Variants in WDR19 observed in about 807,000 individuals in gnomAD.
WDR19 encodes WD repeat-containing protein 19.
In WDR19, 121 loss-of-function variants were observed where a neutral mutation model predicts 180.0. The observed-to-expected ratio is 0.67, with a 90% confidence interval of 0.58 to 0.78. The LOEUF is 0.78. Among genes scored for constraint, WDR19 ranks in the 30% least tolerant of loss-of-function variants. The pLI is 0.00. For synonymous variants in WDR19, 497 were observed against 540.7 expected, an observed-to-expected ratio of 0.92 and a Z score of 1.12; for missense variants, 1,450 against 1,640.7, an observed-to-expected ratio of 0.88 and a Z score of 2.01.
chr4:39,193,934 G>C (rs148700710), intron 4 of WDR19, among the ~76,000 whole-genome samples: 328 of 152,306 alleles, frequency 2.2e-3, no homozygotes, highest in African/African-American at 7.2e-3. Flanking sequence ...GACTCATTGT[G>C]ATTTCTTTTC....
At chr4:39,276,548 C>CGTA (rs1735916493) in intron 33 of WDR19, among the ~76,000 whole-genome samples, 1 of 152,140 alleles carries the variant, frequency 6.6e-6, no homozygotes, top group Non-Finnish European at 1.5e-5. Context: ...TCGCACTACC[C>CGTA]GTATTTCAAG....
At chr4:39,219,564 A>G (rs1363028381) in intron 14 of WDR19, among the ~76,000 whole-genome samples, 2 of 152,194 alleles carry the variant, frequency 1.3e-5, no homozygotes, top group Non-Finnish European at 2.9e-5. Flanking sequence ...CACCAGTTCT[A>G]TTACTTGCTA....
At chr4:39,255,450 T>C (rs1222661104) in intron 26 of WDR19, among the ~76,000 whole-genome samples, 5 of 152,202 alleles carry the variant, frequency 3.3e-5, no homozygotes, top group African/African-American at 1.2e-4. Flanking sequence ...CTATGCTTAA[T>C]ATATTTAAGC....
Position 39,182,569 on chromosome 4 carries a change from T to C in WDR19, c.6+6T>C, listed in dbSNP as rs1339187256. On this transcript the variant is annotated splice_donor_region_variant and intron_variant, in intron 1 of 36. Coordinates refer to ENST00000399820, the MANE Select transcript of WDR19 (RefSeq NM_025132.4). ...GCTCGAGCGTGGAGATGAAGGTAAATAACTTACAAATTCCCGGGGTGGGGC... is the reference window on the plus strand; with the variant it reads ...GCTCGAGCGTGGAGATGAAGGTAAACAACTTACAAATTCCCGGGGTGGGGC... 6.2e-7 allele frequency: 1 copy of C among 1,612,936 alleles called. No individual in the cohort carries two copies. The highest frequency in any genetic ancestry group is 8.5e-7 in the Non-Finnish European group (1 of 1,179,766).
rs1251418066 is a variant in WDR19 at position 39,215,724 on chromosome 4, A to G, written c.962-117A>G. ...GTCTAAAAAAAAAACTACTTAAACT[A>G]GTAAGGAAAATATTTGAAAATTGTT... On this transcript the variant is annotated intron_variant, in intron 10 of 36. Transcript: ENST00000399820. 2.7e-6 allele frequency: 3 copies of G among 1,096,576 alleles called. No homozygotes were observed. In the Admixed American group the frequency reaches 9.3e-5, roughly 34 times the overall value. 67.9% of individuals were successfully genotyped at this position (1,096,576 alleles called of 1,614,324 possible). A position where few individuals can be genotyped will look rare whatever the true frequency, so the allele number is the denominator to read the frequency against.
At chr4:39,253,546 G>C (rs1733458970) in intron 25 of WDR19, among the ~76,000 whole-genome samples, 1 of 152,250 alleles carries the variant, frequency 6.6e-6, no homozygotes, top group South Asian at 2.1e-4. Context: ...GGGAGGCTGA[G>C]GCAGGTGGAT....
intron 24 of WDR19, among the ~76,000 whole-genome samples, chr4:39,248,122 A>G (rs1732734942): frequency 6.6e-6 from 1 of 152,236 alleles, no homozygotes; most frequent in Admixed American, 6.5e-5. Context: ...GTTACCCACA[A>G]AGGGAAGCCC....
At chr4:39,278,295 A>G (rs1161946555) in intron 35 of WDR19, 88 bp downstream of exon 35, 13 of 1,277,466 alleles carry the variant, frequency 1.0e-5, no homozygotes, top group Middle Eastern at 1.8e-4. Flanking sequence ...GCATTCTTCT[A>G]TTTGTGTTCC....
At chr4:39,267,467 G>A (rs1252589966) in intron 29 of WDR19, among the ~76,000 whole-genome samples, 4 of 152,202 alleles carry the variant, frequency 2.6e-5, no homozygotes, top group Non-Finnish European at 4.4e-5. Context: ...TTGAAAACCA[G>A]CGTCAGATGC....
Position 39,241,370 on chromosome 4 carries a change from A to G in WDR19, c.2421+1036A>G, listed in dbSNP as rs1731921146. Among the ~76,000 whole-genome samples the G allele has an allele frequency of 5.3e-5, 8 of 151,924 alleles. No individual in the cohort carries two copies. In the South Asian group the frequency reaches 1.7e-3, roughly 32 times the overall value. ...TAGCCAGCCGTGATGACGGGTGCCTATAATCCCAGCTACTTGGGAGGCTGA... is the reference window on the plus strand; with the variant it reads ...TAGCCAGCCGTGATGACGGGTGCCTGTAATCCCAGCTACTTGGGAGGCTGA... On this transcript the variant is annotated intron_variant, in intron 21 of 36. Transcript: ENST00000399820.
At chr4:39,233,198 G>C (rs968283794) in intron 19 of WDR19, among the ~76,000 whole-genome samples, 18 of 152,298 alleles carry the variant, frequency 1.2e-4, no homozygotes, top group Non-Finnish European at 2.1e-4. Flanking sequence ...CTAAGGACTA[G>C]TGTACCATCA....
chr4:39,283,190 CAATT>C (rs746593791), intron 36 of WDR19, among the ~76,000 whole-genome samples: 11 of 152,162 alleles, frequency 7.2e-5, no homozygotes, highest in Non-Finnish European at 1.5e-4. Context: ...TTTTCTCTAT[CAATT>C]GAGATGATAT....
intron 6 of WDR19, among the ~76,000 whole-genome samples, chr4:39,200,455 T>A (rs1363930848): frequency 6.6e-6 from 1 of 152,184 alleles, no homozygotes; most frequent in Admixed American, 6.5e-5. Context: ...GAAGGCTCAA[T>A]AGGGAGAAAA....
chr4:39,280,116 C>CTTGTTTT, intron 36 of WDR19, among the ~76,000 whole-genome samples: 1 of 52,474 alleles, frequency 1.9e-5, no homozygotes, highest in South Asian at 7.5e-4. Flanking sequence ...TTTCCCTTTT[C>CTTGTTTT]TTGTTTTTTT....
Position 39,281,329 on chromosome 4 carries a change from A to T in WDR19, c.*13+2666A>T, listed in dbSNP as rs1477764674. On this transcript the variant is annotated intron_variant, in intron 36 of 36. Coordinates refer to ENST00000399820, the MANE Select transcript of WDR19 (RefSeq NM_025132.4). ...TCTAGAAGCTCTAGATCTGCAATTT[A>T]TCTTGAAATGATTTTTGTTTCCAGT... Among the ~76,000 whole-genome samples, 2 of 151,464 alleles carry T rather than the reference A, an allele frequency of 1.3e-5. 1 individual carries two copies. Among genetic ancestry groups the T allele is most frequent in the East Asian group, 3.9e-4 (2 of 5,174 alleles).
In WDR19 at chr4:39,231,087, G is replaced by A. The variant is rs189832433; in HGVS notation, c.1983-710G>A. ...AGCACTCTGGGAGGCCGAGGCGGGC[G>A]GATCATGAGGTCAGCAGATCAAGAC... is the stretch of plus-strand genomic sequence containing the variant. On this transcript the variant is annotated intron_variant, in intron 17 of 36. Coordinates refer to ENST00000399820, the MANE Select transcript of WDR19 (RefSeq NM_025132.4). Among the ~76,000 whole-genome samples the A allele has an allele frequency of 2.2e-4, 33 of 152,110 alleles. 1 individual carries two copies. Among genetic ancestry groups the A allele is most frequent in the Admixed American group, 2.1e-3 (32 of 15,280 alleles).
chr4:39,215,750 A>G (rs1468120467), intron 10 of WDR19, 91 bp from the exon 11 acceptor site: 1 of 1,290,990 alleles, frequency 7.7e-7, no homozygotes, highest in Admixed American at 2.8e-5. Flanking sequence ...GAAAATTGTT[A>G]TGTCTCTGGT....
chr4:39,262,375 GC>G (rs1342792442), intron 28 of WDR19, among the ~76,000 whole-genome samples: 3 of 152,078 alleles, frequency 2.0e-5, no homozygotes, highest in African/African-American at 7.2e-5. Flanking sequence ...CTCCCAAGTA[GC>G]TGGGACTACA....
At chr4:39,232,362 C>T (rs768529952) in intron 19 of WDR19, 90 bp downstream of exon 19, 62 of 1,048,480 alleles carry the variant, frequency 5.9e-5, no homozygotes, top group Middle Eastern at 2.4e-4. Flanking sequence ...CAGCCGCTCA[C>T]GCCTCTAATT....
Sources: gnomAD v4.1 joint callset for allele counts (sites outside exome capture counted in the v4.1 genomes callset) on GRCh38, gnomAD v4.1.1 for gene constraint, MANE v1.5 for transcripts, NCBI Gene and HGNC (gene_info 2026-07-23, HGNC 2026-07-21) for gene names.